CDH13: variants seen among roughly 807,000 people sequenced by gnomAD.
The protein encoded by CDH13 is cadherin-13.
Under a neutral mutation model 63.8 loss-of-function variants are expected in CDH13, and 24 were observed. That is an observed-to-expected ratio of 0.38 (90% confidence interval 0.27 to 0.53). The LOEUF (loss-of-function observed/expected upper bound fraction) is 0.53, where lower values mean the gene tolerates loss of function less well. CDH13 is among the 20% of genes least tolerant of loss of function. CDH13 has a pLI of 0.85. For missense variants in CDH13, 1,049 were observed against 903.1 expected (o/e 1.16, Z -2.07); for synonymous variants, 503 against 355.3 (o/e 1.42, Z -4.67).
chr16:82,632,198 C>G (rs1908095712), intron 1 of CDH13, among the ~76,000 whole-genome samples: 1 of 152,172 alleles, frequency 6.6e-6, no homozygotes. Flanking sequence ...ACTACCCAGC[C>G]TTCTGTGCTC....
At chr16:82,965,907 A>C (rs1216565497) in intron 2 of CDH13, among the ~76,000 whole-genome samples, 1 of 152,230 alleles carries the variant, frequency 6.6e-6, no homozygotes, top group Admixed American at 6.5e-5. Flanking sequence ...ACAAAGTTGC[A>C]ATCTGGTAGC....
chr16:83,513,107 A>G (rs2074612892), intron 7 of CDH13, among the ~76,000 whole-genome samples: 1 of 152,156 alleles, frequency 6.6e-6, no homozygotes, highest in Non-Finnish European at 1.5e-5. Flanking sequence ...CAATTCAAGA[A>G]TTGTCTTCGA....
At chr16:82,764,599 C>T (rs1432511767) in intron 1 of CDH13, among the ~76,000 whole-genome samples, 6 of 152,092 alleles carry the variant, frequency 3.9e-5, no homozygotes, top group Admixed American at 2.0e-4. Context: ...ATTTTGAGAA[C>T]ATAGTGAAGG....
At position 83,797,204 on chromosome 16, in the gene CDH13, T is replaced by C. The variant is rs529244118; in HGVS notation, c.*2174T>C. On this transcript the variant is annotated 3_prime_UTR_variant, in exon 14 of 14. Coordinates refer to ENST00000567109, the MANE Select transcript of CDH13 (RefSeq NM_001257.5). ...CAGGCGGCTGGTAGCCGGACACATA[T>C]GCTAACTGGCAATCAGGAAGTCACC... 6.6e-6 allele frequency: 1 copy of C among 152,372 alleles called. No homozygotes were observed. The highest frequency in any genetic ancestry group is 2.1e-4 in the South Asian group (1 of 4,832). 9.4% of individuals were successfully genotyped at this position (152,372 alleles called of 1,614,324 possible).
intron 1 of CDH13, among the ~76,000 whole-genome samples, chr16:82,677,269 CT>C (rs1341132353): frequency 6.6e-6 from 1 of 152,178 alleles, no homozygotes; most frequent in Non-Finnish European, 1.5e-5. Context: ...ATTGCCACTT[CT>C]TTGGGAAACA....
intron 4 of CDH13, among the ~76,000 whole-genome samples, chr16:83,214,083 A>T (rs2039421568): frequency 6.6e-6 from 1 of 152,126 alleles, no homozygotes; most frequent in Non-Finnish European, 1.5e-5. Flanking sequence ...GGCAGCAGCG[A>T]CAACCTGCTC....
At chr16:82,850,601 A>C (rs1314589212) in intron 1 of CDH13, among the ~76,000 whole-genome samples, 1 of 152,228 alleles carries the variant, frequency 6.6e-6, no homozygotes, top group Non-Finnish European at 1.5e-5. Context: ...ATTTTGAAAA[A>C]AAAGTTCTCC....
At chr16:83,124,521 T>G (rs557064273) in intron 3 of CDH13, among the ~76,000 whole-genome samples, 2 of 150,780 alleles carry the variant, frequency 1.3e-5, no homozygotes, top group Non-Finnish European at 2.9e-5. Context: ...AAATTTGAAT[T>G]GTCCATTTTT....
At chr16:83,469,036 T>C (rs897510910) in intron 6 of CDH13, among the ~76,000 whole-genome samples, 1 of 152,240 alleles carries the variant, frequency 6.6e-6, no homozygotes, top group African/African-American at 2.4e-5. Flanking sequence ...TTCCCTGGTA[T>C]ATCTTTTCTC....
At chr16:82,800,135 A>G (rs1294099546) in intron 1 of CDH13, among the ~76,000 whole-genome samples, 1 of 152,228 alleles carries the variant, frequency 6.6e-6, no homozygotes, top group African/African-American at 2.4e-5. Context: ...CTTGTCAATA[A>G]GCATTTTTTT....
intron 6 of CDH13, among the ~76,000 whole-genome samples, chr16:83,455,674 C>G (rs7188758): frequency 0.02 from 2,979 of 152,224 alleles, 97 homozygotes; most frequent in African/African-American, 0.069. Context: ...TGCAATTTAT[C>G]CCTCTTCAGA....
chr16:82,915,748 G>T (rs2041966492), intron 2 of CDH13, among the ~76,000 whole-genome samples: 1 of 151,510 alleles, frequency 6.6e-6, no homozygotes, highest in African/African-American at 2.4e-5. Flanking sequence ...TCCTTGTAAA[G>T]CTGATTCTTC....
chr16:83,032,164 A>C lies in CDH13; in HGVS notation c.312A>C (p.Glu104Asp). Residue 104 changes from glutamate to aspartate, a missense_variant, in exon 3 of 14, where the codon GAA (glutamate) becomes GAC (aspartate). Glu to Asp is a conservative substitution (Grantham distance 45, BLOSUM62 2). Coordinates refer to ENST00000567109, the MANE Select transcript of CDH13 (RefSeq NM_001257.5). ...LFVHARTPHA[E>D]DMAELVIVGG... ...TCCATGCACGGACCCCCCATGCGGA[A>C]GATATGGCAGAACTCGTGATTGTCG... The C allele has an allele frequency of 6.2e-7, 1 of 1,613,786 alleles. No individual in the cohort carries two copies. Among genetic ancestry groups the C allele is most frequent in the Non-Finnish European group, 8.5e-7 (1 of 1,179,788 alleles).
chr16:83,284,757 G>T (rs767146709), intron 5 of CDH13, among the ~76,000 whole-genome samples: 2 of 151,970 alleles, frequency 1.3e-5, no homozygotes, highest in Non-Finnish European at 2.9e-5. Context: ...ATAAATGATA[G>T]ATATAAAATA....
intron 10 of CDH13, among the ~76,000 whole-genome samples, chr16:83,743,797 C>T (rs1403631909): frequency 2.2e-5 from 2 of 91,826 alleles, no homozygotes; most frequent in Non-Finnish European, 4.0e-5. Flanking sequence ...ATGATTGTTC[C>T]AACAGAAGGA....
chr16:83,281,073 A>C (rs1007678117), intron 5 of CDH13, among the ~76,000 whole-genome samples: 1 of 152,160 alleles, frequency 6.6e-6, no homozygotes, highest in Admixed American at 6.5e-5. Context: ...TTTTGAAGCC[A>C]GGCATTGACT....
At chr16:82,853,259 C>G (rs192453288) in intron 1 of CDH13, among the ~76,000 whole-genome samples, 139 of 152,308 alleles carry the variant, frequency 9.1e-4, no homozygotes, top group Admixed American at 3.9e-3. Context: ...GTCTGATTCC[C>G]TGCTATGTCC....
chr16:83,231,624 C>T (rs1162311779), intron 5 of CDH13, among the ~76,000 whole-genome samples: 3 of 152,134 alleles, frequency 2.0e-5, no homozygotes, highest in Admixed American at 2.0e-4. Flanking sequence ...CATTTTCACC[C>T]ACTCATTGCA....
chr16:82,840,697 A>G (rs1004712267), intron 1 of CDH13, among the ~76,000 whole-genome samples: 6 of 151,994 alleles, frequency 3.9e-5, no homozygotes, highest in Admixed American at 1.3e-4. Flanking sequence ...AAAAAAAAAA[A>G]AAAAAGAAAA....
Sources: allele counts gnomAD v4.1 joint callset (sites outside exome capture counted in the v4.1 genomes callset), GRCh38; gene constraint gnomAD v4.1.1; transcripts MANE v1.5; gene names NCBI Gene and HGNC (gene_info 2026-07-23, HGNC 2026-07-21).